DLG2: variants seen among roughly 807,000 people sequenced by gnomAD.
DLG2 encodes the protein discs large MAGUK scaffold protein 2.
In DLG2, 45 loss-of-function variants were observed where a neutral mutation model predicts 132.5. That is an observed-to-expected ratio of 0.34 (90% CI 0.27 to 0.44). DLG2 has a LOEUF of 0.44. Among genes scored for constraint, DLG2 ranks in the 20% least tolerant of loss-of-function variants. DLG2 has a pLI of 1.00. For missense variants in DLG2, 1,045 were observed against 1,196.9 expected (o/e 0.87, Z 1.87); for synonymous variants, 424 against 419.6 (o/e 1.01, Z -0.13).
intron 3 of DLG2, among the ~76,000 whole-genome samples, chr11:85,468,456 T>A (rs947069508): frequency 2.6e-5 from 4 of 152,236 alleles, no homozygotes; most frequent in Non-Finnish European, 5.9e-5. Context: ...TTTAGTGCTA[T>A]AGATTTCCCT....
intron 18 of DLG2, among the ~76,000 whole-genome samples, chr11:83,778,925 G>A (rs2094696343): frequency 6.6e-6 from 1 of 152,122 alleles, no homozygotes; most frequent in African/African-American, 2.4e-5. Context: ...AATAAGTGAA[G>A]AGACTTCCTG....
intron 18 of DLG2, among the ~76,000 whole-genome samples, chr11:83,636,643 T>C (rs1202267204): frequency 6.6e-6 from 1 of 152,336 alleles, no homozygotes; most frequent in Middle Eastern, 3.4e-3. Flanking sequence ...ACACTTCATC[T>C]ATATACAATC....
At chr11:84,850,158 T>G (rs2082006854) in intron 6 of DLG2, among the ~76,000 whole-genome samples, 1 of 152,122 alleles carries the variant, frequency 6.6e-6, no homozygotes, top group Admixed American at 6.6e-5. Context: ...CTAATGCTGC[T>G]TGAAGATATA....
intron 6 of DLG2, among the ~76,000 whole-genome samples, chr11:84,979,548 A>G (rs890169993): frequency 4.6e-5 from 7 of 152,098 alleles, no homozygotes; most frequent in Admixed American, 4.6e-4. Flanking sequence ...TCAGCAAACT[A>G]TCGCAAGGAC....
intron 22 of DLG2, chr11:83,480,535 G>T: frequency 6.6e-7 from 1 of 1,515,494 alleles, no homozygotes; most frequent in Non-Finnish European, 8.9e-7. Context: ...AAGCCGCAGA[G>T]GAGGCTGCAT....
At chr11:85,031,739 G>C (rs1315093756) in intron 6 of DLG2, among the ~76,000 whole-genome samples, 1 of 151,988 alleles carries the variant, frequency 6.6e-6, no homozygotes, top group Non-Finnish European at 1.5e-5. Context: ...TGGAGTCTCT[G>C]TGTTAACTTC....
chr11:83,569,959 A>T (rs2096771063), intron 19 of DLG2, among the ~76,000 whole-genome samples: 1 of 152,180 alleles, frequency 6.6e-6, no homozygotes, highest in Non-Finnish European at 1.5e-5. Flanking sequence ...TGAGAGTCAG[A>T]CTTTCCATCA....
intron 6 of DLG2, among the ~76,000 whole-genome samples, chr11:85,006,304 A>G (rs1417257310): frequency 6.6e-6 from 1 of 152,200 alleles, no homozygotes; most frequent in African/African-American, 2.4e-5. Context: ...AAGGAATATT[A>G]CCAGCTCCTC....
intron 7 of DLG2, among the ~76,000 whole-genome samples, chr11:84,395,019 T>C (rs1250757797): frequency 6.6e-6 from 1 of 152,198 alleles, no homozygotes; most frequent in Non-Finnish European, 1.5e-5. Context: ...CAATGTCCTC[T>C]CACTTCTCAT....
intron 4 of DLG2, among the ~76,000 whole-genome samples, chr11:85,207,255 A>G (rs1047014037): frequency 5.3e-5 from 8 of 152,174 alleles, no homozygotes; most frequent in African/African-American, 1.2e-4. Flanking sequence ...AAACAATTGC[A>G]TTCTTTTTCT....
intron 4 of DLG2, among the ~76,000 whole-genome samples, chr11:85,232,936 TGG>T (rs144252348): frequency 0.022 from 3,414 of 152,044 alleles, 67 homozygotes; most frequent in Admixed American, 0.038. Flanking sequence ...AGTCTCTAGA[TGG>T]AAGAAAGGTA....
At chr11:83,928,008 G>T (rs1433196386) in intron 15 of DLG2, among the ~76,000 whole-genome samples, 1 of 152,074 alleles carries the variant, frequency 6.6e-6, no homozygotes, top group Non-Finnish European at 1.5e-5. Context: ...GCAAAGTGGG[G>T]TGAAATTAAG....
At chr11:84,976,583 C>T (rs2154117367) in intron 6 of DLG2, among the ~76,000 whole-genome samples, 1 of 152,084 alleles carries the variant, frequency 6.6e-6, no homozygotes, top group South Asian at 2.1e-4. Flanking sequence ...TGGTTTCCTC[C>T]AGCCAAAGTC....
intron 11 of DLG2, among the ~76,000 whole-genome samples, chr11:84,050,042 T>C (rs1035852369): frequency 1.3e-5 from 2 of 151,468 alleles, no homozygotes; most frequent in African/African-American, 4.8e-5. Flanking sequence ...AGGAGAGATG[T>C]GAATGGGACA....
intron 6 of DLG2, among the ~76,000 whole-genome samples, chr11:84,805,129 AG>A (rs2075844890): frequency 6.6e-6 from 1 of 152,116 alleles, no homozygotes; most frequent in African/African-American, 2.4e-5. Flanking sequence ...TAGCAGTAAA[AG>A]TGTATTACTA....
At chr11:84,171,243 G>A (rs1018923101) in intron 8 of DLG2, among the ~76,000 whole-genome samples, 5 of 152,012 alleles carry the variant, frequency 3.3e-5, no homozygotes, top group Non-Finnish European at 5.9e-5. Flanking sequence ...ATCATATTTC[G>A]CTATATTTTT....
intron 6 of DLG2, among the ~76,000 whole-genome samples, chr11:84,842,399 T>G (rs2154008930): frequency 6.6e-6 from 1 of 152,072 alleles, no homozygotes; most frequent in South Asian, 2.1e-4. Flanking sequence ...TGTCCATTAT[T>G]TAACTTACCT....
chr11:83,936,862 G>A (rs1336810168), intron 14 of DLG2, among the ~76,000 whole-genome samples: 2 of 152,042 alleles, frequency 1.3e-5, no homozygotes, highest in Non-Finnish European at 2.9e-5. Context: ...ATTGGGTGAG[G>A]GTGTCCAGCT....
At chr11:84,482,299 T>C (rs1469254747) in intron 7 of DLG2, among the ~76,000 whole-genome samples, 1 of 152,222 alleles carries the variant, frequency 6.6e-6, no homozygotes, top group Non-Finnish European at 1.5e-5. Flanking sequence ...ATTTCTATAA[T>C]ATAGCCTCAT....
Sources: allele counts gnomAD v4.1 joint callset (sites outside exome capture counted in the v4.1 genomes callset), GRCh38; gene constraint gnomAD v4.1.1; transcripts MANE v1.5; gene names NCBI Gene and HGNC (gene_info 2026-07-23, HGNC 2026-07-21).